Variants in LSM3 observed in about 807,000 individuals in gnomAD.
LSM3 encodes LSM3 homolog, U6 small nuclear RNA and mRNA degradation associated.
LSM3 carries 14 observed loss-of-function variants against 15.4 expected under a neutral mutation model. The observed-to-expected ratio is 0.91, with a 90% CI of 0.60 to 1.42. The LOEUF (loss-of-function observed/expected upper bound fraction) is 1.42. LSM3 is among the 40% of genes most tolerant of loss of function. The pLI is 0.00. For missense variants in LSM3, 88 were observed against 127.9 expected (o/e 0.69, Z 1.50); for synonymous variants, 46 against 45.1 (o/e 1.02, Z -0.08).
chr3:14,191,142 C>T (rs1437778784), intron 3 of LSM3, among the ~76,000 whole-genome samples: 5 of 152,120 alleles, frequency 3.3e-5, no homozygotes, highest in South Asian at 2.1e-4. Context: ...CTGACTTGAT[C>T]GTGGTGGATC....
chr3:14,188,916 C>CA (rs1697114939), intron 3 of LSM3, among the ~76,000 whole-genome samples: 1 of 152,096 alleles, frequency 6.6e-6, no homozygotes, highest in African/African-American at 2.4e-5. Context: ...ATCAACCCGT[C>CA]ACCTACATTA....
intron 3 of LSM3, among the ~76,000 whole-genome samples, chr3:14,192,086 C>T (rs747414797): frequency 9.9e-5 from 15 of 151,794 alleles, no homozygotes; most frequent in Non-Finnish European, 1.6e-4. Flanking sequence ...TGTATTTGTG[C>T]GGTTTTGAGT....
intron 2 of LSM3, among the ~76,000 whole-genome samples, chr3:14,182,810 A>G (rs1466652452): frequency 1.3e-5 from 2 of 152,220 alleles, no homozygotes; most frequent in Non-Finnish European, 2.9e-5. Context: ...GCTCAGGCTC[A>G]GAAAGGTACA....
chr3:14,180,021 G>A (rs1407744091), intron 1 of LSM3, among the ~76,000 whole-genome samples: 1 of 152,126 alleles, frequency 6.6e-6, no homozygotes, highest in Non-Finnish European at 1.5e-5. Flanking sequence ...AGGGACATAG[G>A]GACCAGTTGA....
chr3:14,185,064 A>C (rs1385971638), intron 3 of LSM3, among the ~76,000 whole-genome samples: 1 of 151,910 alleles, frequency 6.6e-6, no homozygotes, highest in African/African-American at 2.4e-5. Flanking sequence ...TCTCAAAAAA[A>C]AAAAGGCTGG....
At chr3:14,187,646 T>C (rs1697101067) in intron 3 of LSM3, among the ~76,000 whole-genome samples, 1 of 152,242 alleles carries the variant, frequency 6.6e-6, no homozygotes, top group Non-Finnish European at 1.5e-5. Flanking sequence ...TGGCCCATTT[T>C]ACATTTCGCT....
intron 3 of LSM3, among the ~76,000 whole-genome samples, chr3:14,193,974 T>A (rs578219575): frequency 6.6e-6 from 1 of 152,358 alleles, no homozygotes; most frequent in Admixed American, 6.5e-5. Context: ...TGAGTAGATG[T>A]GCTAATCCTT....
At chr3:14,181,899 C>T (rs1559390537) in intron 2 of LSM3, among the ~76,000 whole-genome samples, 1 of 152,028 alleles carries the variant, frequency 6.6e-6, no homozygotes, top group Admixed American at 6.6e-5. Context: ...TCATTTTTCC[C>T]TTCTGTTTAT....
At chr3:14,193,986 T>C (rs1574990478) in intron 3 of LSM3, among the ~76,000 whole-genome samples, 1 of 152,218 alleles carries the variant, frequency 6.6e-6, no homozygotes, top group Admixed American at 6.5e-5. Flanking sequence ...CTAATCCTTT[T>C]TAGCACATCT....
intron 3 of LSM3, among the ~76,000 whole-genome samples, chr3:14,191,651 C>T (rs1048210627): frequency 2.6e-5 from 4 of 151,964 alleles, no homozygotes; most frequent in South Asian, 2.1e-4. Context: ...TTTTTTATTG[C>T]GTCTATTTGA....
chr3:14,182,474 A>G (rs1367704958), intron 2 of LSM3, among the ~76,000 whole-genome samples: 1 of 152,116 alleles, frequency 6.6e-6, no homozygotes, highest in Non-Finnish European at 1.5e-5. Context: ...ACAAATACGT[A>G]AATACTTGCA....
rs905800764 is a variant in LSM3, at chr3:14,178,817, C to T, written c.-44C>T. On this transcript the variant is annotated 5_prime_UTR_variant, in exon 1 of 4. Transcript: ENST00000306024. ...CACGTTTCCGGAGATTGACGTTGCT[C>T]TTGTGTTCTCGCGAGAGGCGGGAAA... 2.2e-5 allele frequency: 35 copies of T among 1,613,296 alleles called. No homozygotes were observed. The highest frequency in any genetic ancestry group is 3.0e-5 in the Non-Finnish European group (35 of 1,179,298).
In LSM3 at chr3:14,198,018, T is replaced by G. The variant is rs763635512; in HGVS notation, c.229-18T>G. The G allele has an allele frequency of 4.8e-6, 7 of 1,448,882 alleles. No individual in the cohort carries two copies. In the South Asian group the frequency reaches 6.4e-5, roughly 13 times the overall value. The allele number at this position is 1,448,882 out of a possible 1,614,324, so 89.8% of individuals were successfully genotyped here. ...TACACAGTTGTACAAATATGTTCTG[T>G]TTTTTTTTCTCTTCTAGTCAACGAA... is the stretch of plus-strand genomic sequence containing the variant. On this transcript the variant is annotated intron_variant, in intron 3 of 3. Coordinates refer to ENST00000306024, the MANE Select transcript of LSM3 (RefSeq NM_014463.3).
intron 1 of LSM3, among the ~76,000 whole-genome samples, chr3:14,181,104 T>C (rs943200740): frequency 6.6e-6 from 1 of 152,210 alleles, no homozygotes; most frequent in Non-Finnish European, 1.5e-5. Context: ...CAACCTGTGC[T>C]GAATTCATAA....
intron 3 of LSM3, among the ~76,000 whole-genome samples, chr3:14,185,870 A>T (rs1455676906): frequency 6.6e-6 from 1 of 151,954 alleles, no homozygotes; most frequent in Non-Finnish European, 1.5e-5. Flanking sequence ...TTCAGTGTTT[A>T]AAAAAAATCA....
chr3:14,195,513 C>G (rs148905800), intron 3 of LSM3, among the ~76,000 whole-genome samples: 3 of 152,192 alleles, frequency 2.0e-5, no homozygotes, highest in African/African-American at 7.2e-5. Flanking sequence ...TTCATTTTCC[C>G]TAGAAACAGA....
intron 3 of LSM3, among the ~76,000 whole-genome samples, chr3:14,197,172 AC>A (rs1190299616): frequency 6.6e-6 from 1 of 152,236 alleles, no homozygotes; most frequent in African/African-American, 2.4e-5. Context: ...GGCTTTTCTA[AC>A]CCTGTGAATC....
intron 3 of LSM3, among the ~76,000 whole-genome samples, chr3:14,184,655 G>T (rs1434663144): frequency 6.6e-6 from 1 of 151,100 alleles, no homozygotes; most frequent in African/African-American, 2.4e-5. Flanking sequence ...TACTTGGGAG[G>T]CTGAGGCAGG....
At chr3:14,191,486 C>T (rs927448639) in intron 3 of LSM3, among the ~76,000 whole-genome samples, 8 of 152,102 alleles carry the variant, frequency 5.3e-5, no homozygotes, top group African/African-American at 1.7e-4. Context: ...TTCAGGGATT[C>T]GACTTCTTCC....
Sources: allele counts gnomAD v4.1 joint callset (sites outside exome capture counted in the v4.1 genomes callset), GRCh38; gene constraint gnomAD v4.1.1; transcripts MANE v1.5; gene names NCBI Gene and HGNC (gene_info 2026-07-23, HGNC 2026-07-21).